RPA1: variants seen among roughly 807,000 people sequenced by gnomAD.
RPA1 encodes replication protein A 70 kDa DNA-binding subunit.
In RPA1, 49 loss-of-function variants were observed where a neutral mutation model predicts 83.0. That is an observed-to-expected ratio of 0.59 (90% CI 0.47 to 0.75). RPA1 has a LOEUF of 0.75. Ranked by LOEUF, RPA1 falls within the 30% of genes least tolerant of loss-of-function variation. RPA1 has a pLI of 0.00. For synonymous variants in RPA1, 279 were observed against 281.8 expected (o/e 0.99, Z 0.10); for missense variants, 693 against 776.1 (o/e 0.89, Z 1.27).
chr17:1,864,799 C>A (rs909560073), intron 5 of RPA1, among the ~76,000 whole-genome samples: 2 of 152,118 alleles, frequency 1.3e-5, no homozygotes, highest in East Asian at 3.8e-4. Context: ...ACTCGGGAGG[C>A]TGAGGCAGGA....
chr17:1,890,807 A>G (rs1486571148), intron 14 of RPA1, among the ~76,000 whole-genome samples: 1 of 152,226 alleles, frequency 6.6e-6, no homozygotes, highest in Non-Finnish European at 1.5e-5. Context: ...GTTTGTGGAA[A>G]CATCAGCCTT....
Position 1,884,024 on chromosome 17 carries a change from C to G in RPA1, c.1374+80C>G, listed in dbSNP as rs1423438346. 66 of 1,577,352 alleles carry G rather than the reference C, an allele frequency of 4.2e-5. No homozygotes were observed. Among genetic ancestry groups the G allele is most frequent in the Non-Finnish European group, 7.8e-6 (9 of 1,156,342 alleles). On this transcript the variant is annotated intron_variant, in intron 13 of 16. Transcript: ENST00000254719. The surrounding 1 kb of genome is among the most constrained non-coding windows in gnomAD (Gnocchi z 4.1). The stretch of plus-strand genomic sequence containing the variant: ...GGATTTAGAAACTTGGTTTCCAGCA[C>G]CAGCTGTCAGAGCCGTAATTCTTAC...
At chr17:1,887,192 C>G (rs1914023390) in intron 13 of RPA1, among the ~76,000 whole-genome samples, 2 of 152,140 alleles carry the variant, frequency 1.3e-5, no homozygotes, top group Admixed American at 1.3e-4. Flanking sequence ...ATACAACATT[C>G]ATCAATATAA....
chr17:1,838,743 A>G (rs571788596), intron 1 of RPA1, among the ~76,000 whole-genome samples: 113 of 152,208 alleles, frequency 7.4e-4, no homozygotes, highest in African/African-American at 2.6e-3. Context: ...TATTTTATCT[A>G]TGATATATAG....
intron 12 of RPA1, among the ~76,000 whole-genome samples, chr17:1,882,989 A>T (rs1913852862): frequency 6.6e-6 from 1 of 152,130 alleles, no homozygotes; most frequent in Non-Finnish European, 1.5e-5. Flanking sequence ...GGGGCATCAA[A>T]GCAACTGAGA....
rs55685415 is a variant in RPA1, at chr17:1,888,612, C to T, written c.1375-63C>T. 46 of 1,533,038 alleles carry T rather than the reference C, an allele frequency of 3.0e-5. 1 individual carries two copies. In the African/African-American group the frequency reaches 6.2e-4, roughly 21 times the overall value. The allele number at this position is 1,533,038 out of a possible 1,614,324, so 95.0% of individuals were successfully genotyped here. ...AACGTAAGGGCAGGCTTTGAGCTGC[C>T]TCTCGGTCCGATCCTGGGCGGGCTC... On this transcript the variant is annotated intron_variant, in intron 13 of 16. Transcript: ENST00000254719.
At chr17:1,880,017 G>T (rs530342161) in intron 11 of RPA1, among the ~76,000 whole-genome samples, 33 of 150,194 alleles carry the variant, frequency 2.2e-4, no homozygotes, top group African/African-American at 7.4e-4. Flanking sequence ...GCTGGCGGAG[G>T]GGGCGTCTGT....
rs1450880933 is a variant in RPA1 at position 1,897,831 on chromosome 17, C to T, written c.*656C>T. ...TCAAAATTGTCTCTTCTGAGGACCG[C>T]TGATAAGCATTGACTTGCCGTCCCC... is the stretch of plus-strand genomic sequence containing the variant. On this transcript the variant is annotated 3_prime_UTR_variant, in exon 17 of 17. Transcript: ENST00000254719. 1.3e-5 allele frequency: 2 copies of T among 152,726 alleles called. No individual in the cohort carries two copies. The highest frequency in any genetic ancestry group is 4.8e-5 in the African/African-American group (2 of 41,444). 9.5% of individuals were successfully genotyped at this position (152,726 alleles called of 1,614,324 possible). A position where few individuals can be genotyped will look rare whatever the true frequency, so the allele number is the denominator to read the frequency against.
At chr17:1,847,532 G>A (rs1012639558) in intron 4 of RPA1, among the ~76,000 whole-genome samples, 7 of 152,156 alleles carry the variant, frequency 4.6e-5, no homozygotes, top group African/African-American at 1.4e-4. Context: ...CTGTGTGTGC[G>A]GCTGGGTTTA....
rs568290309 is a variant in RPA1 at position 1,869,277 on chromosome 17, C to CT, written c.362-3156dup. ...TTCGGCCGGGCATGGTGGCTTATGCCTGTAATCCCAGCACTTTGGGAGATT... is the reference window on the plus strand; with the variant it reads ...TTCGGCCGGGCATGGTGGCTTATGCCTTGTAATCCCAGCACTTTGGGAGATT... On this transcript the variant is annotated intron_variant, in intron 5 of 16. Transcript: ENST00000254719. Among the ~76,000 whole-genome samples, 18 of 152,066 alleles carry CT rather than the reference C, an allele frequency of 1.2e-4. No homozygotes were observed. The South Asian group carries it at 3.3e-3, about 28-fold the overall frequency.
intron 5 of RPA1, among the ~76,000 whole-genome samples, chr17:1,859,445 T>C (rs1469763371): frequency 6.6e-6 from 1 of 152,218 alleles, no homozygotes; most frequent in African/African-American, 2.4e-5. Flanking sequence ...CTCTCTGCAG[T>C]TCTATTAGTT....
In RPA1 at chr17:1,873,422, T is replaced by C. The variant is rs2151284338; in HGVS notation, c.454+896T>C. 2.0e-5 allele frequency among the ~76,000 whole-genome samples: 3 copies of C among 152,296 alleles called. No individual in the cohort carries two copies. In the South Asian group the frequency reaches 6.2e-4, roughly 32 times the overall value. ...TGGATTTGTAGAATGTGGTTGGATTTATTTTTAGAGGTCCTTTTTTCTGTC... is the reference window on the plus strand; with the variant it reads ...TGGATTTGTAGAATGTGGTTGGATTCATTTTTAGAGGTCCTTTTTTCTGTC... On this transcript the variant is annotated intron_variant, in intron 6 of 16. Coordinates refer to ENST00000254719, the MANE Select transcript of RPA1 (RefSeq NM_002945.5).
At chr17:1,854,255 A>G (rs1190339975) in intron 5 of RPA1, 2 of 152,202 alleles carry the variant, frequency 1.3e-5, no homozygotes, top group Non-Finnish European at 2.9e-5. Context: ...TCAAAACATA[A>G]AAGCCTCATT....
At chr17:1,871,804 T>C (rs1409198514) in intron 5 of RPA1, among the ~76,000 whole-genome samples, 2 of 152,128 alleles carry the variant, frequency 1.3e-5, no homozygotes, top group East Asian at 3.8e-4. Context: ...ACACACCTGC[T>C]TCCGAACCCC....
intron 4 of RPA1, among the ~76,000 whole-genome samples, chr17:1,850,060 T>A (rs951320418): frequency 6.6e-6 from 1 of 151,142 alleles, no homozygotes; most frequent in African/African-American, 2.4e-5. Flanking sequence ...TAGTCCCAGC[T>A]ACTCGGGGGA....
intron 1 of RPA1, among the ~76,000 whole-genome samples, chr17:1,831,135 T>G (rs1911554780): frequency 6.6e-6 from 1 of 152,156 alleles, no homozygotes; most frequent in African/African-American, 2.4e-5. Context: ...CAGAGCCACC[T>G]TTACTCTAAA....
In RPA1 at chr17:1,895,100, G is replaced by C. The variant is rs1293563842; in HGVS notation, c.1746+5G>C. Reference sequence around the variant, plus strand: ...GTCAAAGTGGAGACCTACAACGTAAGTAAGGGCCTGGGCAGCAGGGTTGGT... The same window carrying C: ...GTCAAAGTGGAGACCTACAACGTAACTAAGGGCCTGGGCAGCAGGGTTGGT... On this transcript the variant is annotated splice_donor_5th_base_variant and intron_variant, in intron 16 of 16. Transcript: ENST00000254719. 1 of 1,611,720 alleles carries C rather than the reference G, an allele frequency of 6.2e-7. No individual in the cohort carries two copies. Among genetic ancestry groups the C allele is most frequent in the Admixed American group, 1.7e-5 (1 of 59,932 alleles).
intron 5 of RPA1, among the ~76,000 whole-genome samples, chr17:1,864,928 G>C (rs1913123859): frequency 6.6e-6 from 1 of 152,054 alleles, no homozygotes; most frequent in Non-Finnish European, 1.5e-5. Context: ...AAATTAGTTG[G>C]GCGTGGTGGT....
chr17:1,893,351 C>T (rs1914269568), intron 15 of RPA1, among the ~76,000 whole-genome samples: 1 of 152,240 alleles, frequency 6.6e-6, no homozygotes, highest in Admixed American at 6.5e-5. Context: ...GGAGTTCGCA[C>T]TCCACGCCCC....
Sources: allele counts gnomAD v4.1 joint callset (sites outside exome capture counted in the v4.1 genomes callset), GRCh38; gene constraint gnomAD v4.1.1; non-coding constraint Gnocchi (gnomAD v3.1); transcripts MANE v1.5; gene names NCBI Gene and HGNC (gene_info 2026-07-23, HGNC 2026-07-21).